Variants in KCNIP4 observed in about 807,000 individuals in gnomAD.
KCNIP4 encodes the protein potassium voltage-gated channel interacting protein 4.
In KCNIP4, 12 loss-of-function variants were observed where a neutral mutation model predicts 34.0. The observed-to-expected ratio is 0.35, with a 90% CI of 0.23 to 0.57. KCNIP4 has a LOEUF of 0.57. KCNIP4 is among the 20% of genes least tolerant of loss of function. The probability of loss-of-function intolerance (pLI) is 0.83; values close to 1 mark genes in which losing one functional copy is unlikely to be tolerated. For missense variants in KCNIP4, 238 were observed against 311.7 expected, an observed-to-expected ratio of 0.76 and a Z score of 1.78; for synonymous variants, 124 against 102.2, an observed-to-expected ratio of 1.21 and a Z score of -1.29.
intron 1 of KCNIP4, among the ~76,000 whole-genome samples, chr4:20,938,522 AG>A (rs1318590085): frequency 1.3e-5 from 2 of 152,178 alleles, no homozygotes. Context: ...ATTTAAGAGC[AG>A]GTATTTCCAG....
intron 1 of KCNIP4, among the ~76,000 whole-genome samples, chr4:21,440,609 G>T (rs1436674581): frequency 6.6e-6 from 1 of 152,182 alleles, no homozygotes; most frequent in African/African-American, 2.4e-5. Context: ...CCGCCGGATG[G>T]AACTGTTCAT....
intron 1 of KCNIP4, among the ~76,000 whole-genome samples, chr4:21,040,690 T>C (rs1356317562): frequency 6.6e-6 from 1 of 152,094 alleles, no homozygotes; most frequent in Admixed American, 6.6e-5. Context: ...ACCTATATGA[T>C]CTGTACTTTA....
chr4:21,884,588 C>T (rs1170096678), intron 1 of KCNIP4, among the ~76,000 whole-genome samples: 1 of 151,892 alleles, frequency 6.6e-6, no homozygotes, highest in Non-Finnish European at 1.5e-5. Context: ...TATTTACAAT[C>T]ATCAAGTAAG....
intron 1 of KCNIP4, among the ~76,000 whole-genome samples, chr4:20,899,760 T>G (rs1378951196): frequency 6.6e-6 from 1 of 152,168 alleles, no homozygotes; most frequent in East Asian, 1.9e-4. Flanking sequence ...TAATATCCCT[T>G]AAAGCTTGCA....
chr4:20,905,231 T>A (rs1350912012), intron 1 of KCNIP4, among the ~76,000 whole-genome samples: 1 of 152,170 alleles, frequency 6.6e-6, no homozygotes, highest in East Asian at 1.9e-4. Context: ...TTTTGTCTTG[T>A]ATCGATGAGC....
intron 1 of KCNIP4, among the ~76,000 whole-genome samples, chr4:21,787,491 C>G (rs1029384640): frequency 6.6e-6 from 1 of 152,192 alleles, no homozygotes. Context: ...AGATATTATA[C>G]TAAATGCTCT....
chr4:21,491,788 G>A (rs1314025335), intron 1 of KCNIP4, among the ~76,000 whole-genome samples: 1 of 151,740 alleles, frequency 6.6e-6, no homozygotes, highest in African/African-American at 2.4e-5. Context: ...AATGTGATAA[G>A]AATCATTTTC....
rs10539950 is a variant in KCNIP4 at position 21,647,863 on chromosome 4, C to CTTTTTTTTTT, written c.61+300698_61+300707dup. On this transcript the variant is annotated intron_variant, in intron 1 of 8. Coordinates refer to ENST00000382152, the MANE Select transcript of KCNIP4 (RefSeq NM_025221.6). ...TGGAAGACATTCTGCTACAATGATG[C>CTTTTTTTTTT]TTTTTTTTTTTTTTTTTTTTTTTTT... is the stretch of plus-strand genomic sequence containing the variant. Among the ~76,000 whole-genome samples the CTTTTTTTTTT allele has an allele frequency of 8.3e-5, 5 of 60,198 alleles. 1 individual carries two copies. The highest frequency in any genetic ancestry group is 4.9e-4 in the African/African-American group (5 of 10,200). 39.5% of individuals were successfully genotyped at this position (60,198 alleles called of 152,430 possible). A position where few individuals can be genotyped will look rare whatever the true frequency, so the allele number is the denominator to read the frequency against.
chr4:20,731,712 G>A (rs546955418), intron 8 of KCNIP4: 2 of 985,172 alleles, frequency 2.0e-6, no homozygotes, highest in East Asian at 1.1e-4. Flanking sequence ...CAAATCTCAT[G>A]TATGTTTTAT....
chr4:21,214,829 T>C (rs529347705), intron 1 of KCNIP4, among the ~76,000 whole-genome samples: 1 of 152,192 alleles, frequency 6.6e-6, no homozygotes, highest in African/African-American at 2.4e-5. Context: ...GGGAGAGACA[T>C]GCAGGAGGTA....
At chr4:21,249,675 G>A (rs985829320) in intron 1 of KCNIP4, among the ~76,000 whole-genome samples, 1 of 151,942 alleles carries the variant, frequency 6.6e-6, no homozygotes, top group Admixed American at 6.6e-5. Context: ...TTCAAAGCAT[G>A]GGGCATATTA....
chr4:21,193,114 T>G (rs1433955733), intron 1 of KCNIP4, among the ~76,000 whole-genome samples: 1 of 141,526 alleles, frequency 7.1e-6, no homozygotes, highest in Non-Finnish European at 1.6e-5. Context: ...AGACCCTGGC[T>G]AAAAAAAAAA....
At position 20,816,415 on chromosome 4, in the gene KCNIP4, G is replaced by A. The variant is rs1051744191; in HGVS notation, c.288+34128C>T. Among the ~76,000 whole-genome samples the A allele has an allele frequency of 3.0e-4, 46 of 152,188 alleles. 1 individual carries two copies. Among genetic ancestry groups the A allele is most frequent in the African/African-American group, 7.2e-4 (30 of 41,530 alleles). On this transcript the variant is annotated intron_variant, in intron 3 of 8. Coordinates refer to ENST00000382152, the MANE Select transcript of KCNIP4 (RefSeq NM_025221.6). ...GCTGGCAAAAAAGCAAAGGGAAGTC[G>A]GGACACTTTCCAAAAAAGCAAGCTA... is the stretch of plus-strand genomic sequence containing the variant.
intron 1 of KCNIP4, among the ~76,000 whole-genome samples, chr4:21,610,629 C>T (rs1413366170): frequency 1.3e-5 from 2 of 152,006 alleles, no homozygotes; most frequent in Non-Finnish European, 2.9e-5. Flanking sequence ...TATTAGAATA[C>T]ATAAAAACAC....
At chr4:21,006,525 G>T (rs1469712670) in intron 1 of KCNIP4, among the ~76,000 whole-genome samples, 2 of 152,140 alleles carry the variant, frequency 1.3e-5, no homozygotes, top group African/African-American at 4.8e-5. Flanking sequence ...CTTTTTAAGG[G>T]ACCATAATCT....
intron 1 of KCNIP4, among the ~76,000 whole-genome samples, chr4:21,261,055 T>C (rs1159205212): frequency 6.6e-6 from 1 of 152,176 alleles, no homozygotes; most frequent in African/African-American, 2.4e-5. Context: ...ACCCCCATGA[T>C]GATCCTAGAA....
At chr4:20,756,449 T>TATATA (rs2149354366) in intron 4 of KCNIP4, among the ~76,000 whole-genome samples, 1 of 152,232 alleles carries the variant, frequency 6.6e-6, no homozygotes, top group African/African-American at 2.4e-5. Context: ...TTACCAGTCT[T>TATATA]CCCTGTGTAT....
chr4:21,085,199 T>C (rs972241606), intron 1 of KCNIP4, among the ~76,000 whole-genome samples: 11 of 152,042 alleles, frequency 7.2e-5, no homozygotes, highest in Non-Finnish European at 1.6e-4. Flanking sequence ...ATTAAAGCTC[T>C]TATAAAAAGA....
At chr4:21,479,790 G>A (rs1004474438) in intron 1 of KCNIP4, among the ~76,000 whole-genome samples, 1 of 151,716 alleles carries the variant, frequency 6.6e-6, no homozygotes, top group Non-Finnish European at 1.5e-5. Context: ...AAATTTTTAA[G>A]GATAGATACA....
Sources: gnomAD v4.1 joint callset for allele counts (sites outside exome capture counted in the v4.1 genomes callset) on GRCh38, gnomAD v4.1.1 for gene constraint, MANE v1.5 for transcripts, NCBI Gene and HGNC (gene_info 2026-07-23, HGNC 2026-07-21) for gene names.